Variants in WSCD1 observed in about 807,000 individuals in gnomAD.
WSCD1 encodes WSC domain sialate O sulfotransferase 1.
WSCD1 carries 41 observed loss-of-function variants against 60.4 expected under a neutral mutation model. The observed-to-expected ratio is 0.68, with a 90% CI of 0.53 to 0.88. The LOEUF is 0.88. WSCD1 is among the 40% of genes least tolerant of loss of function. WSCD1 has a pLI of 0.00. For synonymous variants in WSCD1, 361 were observed against 332.5 expected, an observed-to-expected ratio of 1.09 and a Z score of -0.93; for missense variants, 784 against 796.2, an observed-to-expected ratio of 0.98 and a Z score of 0.18.
At chr17:6,107,731 G>A (rs1386835865) in intron 5 of WSCD1, among the ~76,000 whole-genome samples, 4 of 152,144 alleles carry the variant, frequency 2.6e-5, no homozygotes. Flanking sequence ...GGTGGGATGA[G>A]GGTTTTGTGA....
At chr17:6,103,899 A>G (rs147049269) in intron 5 of WSCD1, among the ~76,000 whole-genome samples, 3 of 152,330 alleles carry the variant, frequency 2.0e-5, no homozygotes, top group East Asian at 3.9e-4. Flanking sequence ...CCAAGACTCA[A>G]TTCAGCTAAA....
At chr17:6,103,946 A>G (rs1416197322) in intron 5 of WSCD1, among the ~76,000 whole-genome samples, 3 of 152,196 alleles carry the variant, frequency 2.0e-5, no homozygotes, top group Non-Finnish European at 4.4e-5. Flanking sequence ...AGCCTGTGTT[A>G]GCCCATTTGC....
chr17:6,091,879 G>C (rs780287476), intron 4 of WSCD1, among the ~76,000 whole-genome samples: 10 of 152,166 alleles, frequency 6.6e-5, no homozygotes, highest in Non-Finnish European at 1.2e-4. Flanking sequence ...TGGAACAGCC[G>C]GGCGCGGTGG....
intron 5 of WSCD1, among the ~76,000 whole-genome samples, chr17:6,099,833 CT>C (rs1296899666): frequency 1.3e-5 from 2 of 152,172 alleles, no homozygotes; most frequent in Non-Finnish European, 2.9e-5. Context: ...CAAATCCCCC[CT>C]CCCTCTGTCT....
chr17:6,117,460 G>T (rs765579927), intron 7 of WSCD1, among the ~76,000 whole-genome samples: 1 of 152,240 alleles, frequency 6.6e-6, no homozygotes, highest in Non-Finnish European at 1.5e-5. Flanking sequence ...TGACTGTGGG[G>T]AGGTGAGAGG....
In WSCD1 at chr17:6,122,560, C is replaced by T. The variant is rs3744725; in HGVS notation, c.*1899C>T. On this transcript the variant is annotated 3_prime_UTR_variant, in exon 9 of 9. Coordinates refer to ENST00000317744, the MANE Select transcript of WSCD1 (RefSeq NM_015253.2). ...TCAGGAGTTTCCACACTGCTGTGGA[C>T]GGGATAGCCAGGGCAGACCTGCATC... is the stretch of plus-strand genomic sequence containing the variant. 29,679 of 152,208 alleles carry T rather than the reference C, an allele frequency of 0.19. 3,327 individuals carry two copies. Among genetic ancestry groups the T allele is most frequent in the South Asian group, 0.33 (1,571 of 4,818 alleles). 9.4% of individuals were successfully genotyped at this position (152,208 alleles called of 1,614,324 possible).
At position 6,100,845 on chromosome 17, in the gene WSCD1, C is replaced by A. The variant is rs560468218; in HGVS notation, c.849+5622C>A. On this transcript the variant is annotated intron_variant, in intron 5 of 8. Transcript: ENST00000317744. ...TGGAGAGCCACCTGAAGATGCCAGG[C>A]AGCCATGCCCAGTCATGGCCCATAT... Among the ~76,000 whole-genome samples the A allele has an allele frequency of 3.3e-5, 5 of 152,334 alleles. No individual in the cohort carries two copies. The South Asian group carries it at 1.0e-3, about 32-fold the overall frequency.
intron 5 of WSCD1, among the ~76,000 whole-genome samples, chr17:6,107,132 T>C (rs1911130684): frequency 6.6e-6 from 1 of 152,198 alleles, no homozygotes; most frequent in Non-Finnish European, 1.5e-5. Context: ...CTTGTGTGCT[T>C]GTCCCTTGGT....
At chr17:6,069,123 G>A, upstream of WSCD1, 1 of 397,690 alleles carries the variant, frequency 2.5e-6, no homozygotes, top group Admixed American at 4.4e-5. Flanking sequence ...TCCCTTTTAG[G>A]AAGACGGAGT....
intron 5 of WSCD1, among the ~76,000 whole-genome samples, chr17:6,106,180 C>G (rs1911076851): frequency 2.0e-5 from 3 of 152,202 alleles, no homozygotes; most frequent in Non-Finnish European, 4.4e-5. Context: ...GGCAGACAAC[C>G]AACCAGGTAA....
chr17:6,072,971 T>G (rs1908632759), intron 1 of WSCD1, among the ~76,000 whole-genome samples: 2 of 152,204 alleles, frequency 1.3e-5, no homozygotes, highest in African/African-American at 4.8e-5. Flanking sequence ...TGGTAGCTGT[T>G]AAGGCCCCTC....
intron 7 of WSCD1, among the ~76,000 whole-genome samples, chr17:6,116,803 A>G (rs1398570662): frequency 6.6e-6 from 1 of 152,200 alleles, no homozygotes; most frequent in Non-Finnish European, 1.5e-5. Flanking sequence ...CTTTCCAGCA[A>G]TTCCTGCAGA....
chr17:6,071,149 A>T (rs1480671270), intron 1 of WSCD1: 1 of 152,294 alleles, frequency 6.6e-6, no homozygotes, highest in South Asian at 2.1e-4. Flanking sequence ...GAACTTGAAC[A>T]GAGGCAGAGG....
intron 5 of WSCD1, among the ~76,000 whole-genome samples, chr17:6,099,591 G>T (rs1910671783): frequency 6.6e-6 from 1 of 152,014 alleles, no homozygotes. Flanking sequence ...GTTACCAGGT[G>T]TACCGAGTGT....
In WSCD1 at chr17:6,118,735, G is replaced by T. The variant is rs558859289; in HGVS notation, c.1375+547G>T. Among the ~76,000 whole-genome samples, 1 of 152,174 alleles carries T rather than the reference G, an allele frequency of 6.6e-6. No individual in the cohort carries two copies. The highest frequency in any genetic ancestry group is 6.5e-5 in the Admixed American group (1 of 15,270). On this transcript the variant is annotated intron_variant, in intron 8 of 8. Transcript: ENST00000317744. This position sits in a 1 kb window ranked among gnomAD's most constrained non-coding sequence, Gnocchi z 5.8. The stretch of plus-strand genomic sequence containing the variant: ...TCTTGCTGACTCTTCACAGTGTCTG[G>T]TGGGGAAATCACATCAGCCCTACAT...
chr17:6,090,393 G>A lies in WSCD1; in HGVS notation c.615G>A (p.Val205=). The stretch of plus-strand genomic sequence containing the variant: ...GGAACCGGCTGCCAGCGGTGAGCGT[G>A]GGGCTGGAAGAGTGTAACCATGAGT... The part of the protein sequence containing the change: ...YCGNRLPAVS[V]GLEECNHECK... Residue 205 remains valine (V), a synonymous_variant, in exon 4 of 9, where the codon GTG becomes GTA. Transcript: ENST00000317744. The A allele has an allele frequency of 1.2e-6, 2 of 1,609,808 alleles. No homozygotes were observed. The highest frequency in any genetic ancestry group is 1.1e-5 in the South Asian group (1 of 90,376).
chr17:6,104,573 ATATGCCT>A (rs1231290538), intron 5 of WSCD1, among the ~76,000 whole-genome samples: 1 of 152,188 alleles, frequency 6.6e-6, no homozygotes, highest in East Asian at 1.9e-4. Flanking sequence ...CCAACCTGAC[ATATGCCT>A]GAAAGCAAAA....
chr17:6,081,125 C>G lies in WSCD1; in HGVS notation c.427+40C>G, dbSNP rs143677339. ...GCATTTGGGGGAGCTGTTCCCAGGA[C>G]CCCCCATTCAGGGTCACAGGTTTGG... On this transcript the variant is annotated intron_variant, in intron 2 of 8. Transcript: ENST00000317744. The G allele has an allele frequency of 5.2e-4, 778 of 1,499,296 alleles. 5 individuals carry two copies. In the African/African-American group the frequency reaches 9.9e-3, roughly 19 times the overall value. 92.9% of individuals were successfully genotyped at this position (1,499,296 alleles called of 1,614,324 possible).
chr17:6,088,858 C>G (rs529559950), intron 3 of WSCD1, among the ~76,000 whole-genome samples: 3 of 151,758 alleles, frequency 2.0e-5, no homozygotes, highest in African/African-American at 7.3e-5. Flanking sequence ...TCTCCACTCA[C>G]TGCAAGCTCC....
Sources: allele counts gnomAD v4.1 joint callset (sites outside exome capture counted in the v4.1 genomes callset), GRCh38; gene constraint gnomAD v4.1.1; non-coding constraint Gnocchi (gnomAD v3.1); transcripts MANE v1.5; gene names NCBI Gene and HGNC (gene_info 2026-07-23, HGNC 2026-07-21).